Variants in GALNT18 observed in about 807,000 individuals in gnomAD.
The protein encoded by GALNT18 is polypeptide N-acetylgalactosaminyltransferase 18.
Under a neutral mutation model 69.5 loss-of-function variants are expected in GALNT18, and 44 were observed. The observed-to-expected ratio is 0.63, with a 90% CI of 0.50 to 0.81. The LOEUF (loss-of-function observed/expected upper bound fraction) is 0.81, where lower values mean the gene tolerates loss of function less well. Among genes scored for constraint, GALNT18 ranks in the 40% least tolerant of loss-of-function variants. The pLI is 0.00. For missense variants in GALNT18, 715 were observed against 810.0 expected (o/e 0.88, Z 1.42); for synonymous variants, 364 against 318.2 (o/e 1.14, Z -1.53).
At chr11:11,272,636 C>G (rs149120643) in intron 10 of GALNT18, among the ~76,000 whole-genome samples, 1 of 152,196 alleles carries the variant, frequency 6.6e-6, no homozygotes, top group Non-Finnish European at 1.5e-5. Flanking sequence ...CTGTGCTCTC[C>G]GCTTGGGATT....
chr11:11,554,162 C>T (rs1858271908), intron 1 of GALNT18, among the ~76,000 whole-genome samples: 2 of 152,176 alleles, frequency 1.3e-5, no homozygotes, highest in South Asian at 4.2e-4. Context: ...CAGTTAGTAC[C>T]AAGCACCCAT....
rs983520856 is a variant in GALNT18 at position 11,586,496 on chromosome 11, C to T, written c.235+34863G>A. Among the ~76,000 whole-genome samples the T allele has an allele frequency of 6.6e-6, 1 of 152,168 alleles. No individual in the cohort carries two copies. Among genetic ancestry groups the T allele is most frequent in the Non-Finnish European group, 1.5e-5 (1 of 68,042 alleles). On this transcript the variant is annotated intron_variant, in intron 1 of 10. Coordinates refer to ENST00000227756, the MANE Select transcript of GALNT18 (RefSeq NM_198516.3). The surrounding 1 kb of genome is among the most constrained non-coding windows in gnomAD (Gnocchi z 4.1). ...GAAATTCTACCTGTTCAGGGCCCAG[C>T]ATCCATAACTAGCCCCAGTTTCAGC...
chr11:11,484,036 G>A (rs1328470163), intron 1 of GALNT18, among the ~76,000 whole-genome samples: 5 of 152,150 alleles, frequency 3.3e-5, no homozygotes, highest in East Asian at 1.9e-4. Context: ...TACTCTGTGC[G>A]GGGGACTTTC....
intron 10 of GALNT18, among the ~76,000 whole-genome samples, chr11:11,276,774 G>GAACCA (rs1848958429): frequency 1.3e-5 from 2 of 152,140 alleles, no homozygotes; most frequent in Non-Finnish European, 2.9e-5. Context: ...ATAATCATGT[G>GAACCA]GTTTTTGTCA....
Position 11,465,712 on chromosome 11 carries a change from G to A in GALNT18, c.236-16776C>T, listed in dbSNP as rs1438497054. On this transcript the variant is annotated intron_variant, in intron 1 of 10. Transcript: ENST00000227756. The surrounding 1 kb of genome is among the most constrained non-coding windows in gnomAD (Gnocchi z 5.7). ...TAAGACATACCACGGTTAGCTCCTG[G>A]ACCATGGACCTGGGCAAGGTCAGCT... Among the ~76,000 whole-genome samples, 1 of 152,112 alleles carries A rather than the reference G, an allele frequency of 6.6e-6. No individual in the cohort carries two copies. Among genetic ancestry groups the A allele is most frequent in the Non-Finnish European group, 1.5e-5 (1 of 68,032 alleles).
At chr11:11,451,031 A>G (rs565844525) in intron 1 of GALNT18, among the ~76,000 whole-genome samples, 8 of 152,348 alleles carry the variant, frequency 5.3e-5, no homozygotes, top group African/African-American at 1.9e-4. Flanking sequence ...TTAAAGACAT[A>G]AAAGCAAAGT....
chr11:11,464,263 A>T (rs1387384723), intron 1 of GALNT18, among the ~76,000 whole-genome samples: 4 of 152,250 alleles, frequency 2.6e-5, no homozygotes, highest in Non-Finnish European at 5.9e-5. Context: ...TGAACAAAAA[A>T]GCCTATGCCC....
At chr11:11,412,979 G>T (rs1854765727) in intron 3 of GALNT18, among the ~76,000 whole-genome samples, 2 of 152,096 alleles carry the variant, frequency 1.3e-5, no homozygotes, top group Non-Finnish European at 2.9e-5. Flanking sequence ...CTCTCAAGGG[G>T]GATCATTCTA....
intron 10 of GALNT18, among the ~76,000 whole-genome samples, chr11:11,287,837 A>T (rs530335518): frequency 1.3e-4 from 20 of 152,210 alleles, no homozygotes; most frequent in Middle Eastern, 3.4e-3. Context: ...TGCCCACCAA[A>T]TGTTCTCAAA....
At chr11:11,351,748 G>A (rs1189027724) in intron 6 of GALNT18, among the ~76,000 whole-genome samples, 1 of 84,094 alleles carries the variant, frequency 1.2e-5, no homozygotes, top group African/African-American at 4.1e-5. Context: ...ATAGGGATTT[G>A]GGGAGCAATT....
At chr11:11,534,849 C>T (rs1857739424) in intron 1 of GALNT18, among the ~76,000 whole-genome samples, 3 of 152,240 alleles carry the variant, frequency 2.0e-5, no homozygotes, top group Admixed American at 2.0e-4. Context: ...ATGCTGGATT[C>T]TGTTGATGTT....
chr11:11,457,408 C>A (rs1035289450), intron 1 of GALNT18, among the ~76,000 whole-genome samples: 1 of 152,190 alleles, frequency 6.6e-6, no homozygotes, highest in African/African-American at 2.4e-5. Flanking sequence ...GGAGGAACTG[C>A]AGGAGAGGCT....
In GALNT18 at chr11:11,579,820, G is replaced by T. The variant is rs555872696; in HGVS notation, c.235+41539C>A. The stretch of plus-strand genomic sequence containing the variant: ...GAGCTAATTTCCACATTTTCACTCT[G>T]TTTCAGTGAGGAGAGAGCCCTGGGA... On this transcript the variant is annotated intron_variant, in intron 1 of 10. Transcript: ENST00000227756. Among the ~76,000 whole-genome samples, 29 of 152,322 alleles carry T rather than the reference G, an allele frequency of 1.9e-4. No individual in the cohort carries two copies. The East Asian group carries it at 4.1e-3, about 21-fold the overall frequency.
Position 11,582,049 on chromosome 11 carries a change from A to T in GALNT18, c.235+39310T>A, listed in dbSNP as rs1488928199. On this transcript the variant is annotated intron_variant, in intron 1 of 10. Coordinates refer to ENST00000227756, the MANE Select transcript of GALNT18 (RefSeq NM_198516.3). The surrounding 1 kb of genome is among the most constrained non-coding windows in gnomAD (Gnocchi z 5.0). ...CTAGTATACATGAGGTTCCATGTAT[A>T]CTGTGTATTAGGAAAAACCAAGCAG... 1.3e-5 allele frequency among the ~76,000 whole-genome samples: 2 copies of T among 151,874 alleles called. No individual in the cohort carries two copies. The highest frequency in any genetic ancestry group is 2.9e-5 in the Non-Finnish European group (2 of 68,016).
At chr11:11,483,413 C>T (rs914879158) in intron 1 of GALNT18, among the ~76,000 whole-genome samples, 11 of 152,198 alleles carry the variant, frequency 7.2e-5, no homozygotes, top group African/African-American at 1.7e-4. Flanking sequence ...GGGAACTATG[C>T]GGTCAGCTCT....
chr11:11,464,149 T>C (rs1856108345), intron 1 of GALNT18, among the ~76,000 whole-genome samples: 1 of 152,236 alleles, frequency 6.6e-6, no homozygotes, highest in Non-Finnish European at 1.5e-5. Context: ...ATAGCTCCTG[T>C]ACAAGGTCAG....
At chr11:11,535,367 T>C (rs1857751481) in intron 1 of GALNT18, among the ~76,000 whole-genome samples, 1 of 152,242 alleles carries the variant, frequency 6.6e-6, no homozygotes, top group African/African-American at 2.4e-5. Flanking sequence ...CACAGTAACA[T>C]GGTGATAACA....
In GALNT18 at chr11:11,444,146, A is replaced by G. The variant is rs190003921; in HGVS notation, c.428+4598T>C. ...GCCGGCACAGGGAGGTGCCTTGCAG[A>G]TGCCACCCTCCAGGCCCCGCCTCCC... On this transcript the variant is annotated intron_variant, in intron 2 of 10. Transcript: ENST00000227756. The surrounding 1 kb of genome is among the most constrained non-coding windows in gnomAD (Gnocchi z 4.4). 3.4e-4 allele frequency among the ~76,000 whole-genome samples: 51 copies of G among 151,838 alleles called. No homozygotes were observed. The highest frequency in any genetic ancestry group is 1.2e-3 in the African/African-American group (49 of 41,366).
At position 11,612,312 on chromosome 11, in the gene GALNT18, C is replaced by T. The variant is rs527830069; in HGVS notation, c.235+9047G>A. ...GGCAGCACCTGGGCCAGTCCCTGAC[C>T]TGCTAGCATACTGTAGCTCTCTTCC... is the stretch of plus-strand genomic sequence containing the variant. On this transcript the variant is annotated intron_variant, in intron 1 of 10. Transcript: ENST00000227756. Among the ~76,000 whole-genome samples, 38 of 152,326 alleles carry T rather than the reference C, an allele frequency of 2.5e-4. 1 individual carries two copies. In the South Asian group the frequency reaches 6.4e-3, roughly 26 times the overall value.
Sources: allele counts gnomAD v4.1 joint callset (sites outside exome capture counted in the v4.1 genomes callset), GRCh38; gene constraint gnomAD v4.1.1; non-coding constraint Gnocchi (gnomAD v3.1); transcripts MANE v1.5; gene names NCBI Gene and HGNC (gene_info 2026-07-23, HGNC 2026-07-21).